Variants in CNTN5 observed in about 807,000 individuals in gnomAD.
The protein encoded by CNTN5 is contactin-5.
In CNTN5, 77 loss-of-function variants were observed where a neutral mutation model predicts 129.1. That is an observed-to-expected ratio of 0.60 (90% CI 0.50 to 0.72). The LOEUF is 0.72. CNTN5 is among the 30% of genes least tolerant of loss of function. CNTN5 has a pLI of 0.00. For synonymous variants in CNTN5, 509 were observed against 465.6 expected, an observed-to-expected ratio of 1.09 and a Z score of -1.20; for missense variants, 1,478 against 1,328.8, an observed-to-expected ratio of 1.11 and a Z score of -1.75.
chr11:99,720,151 G>A (rs996846499), intron 3 of CNTN5, among the ~76,000 whole-genome samples: 29 of 152,028 alleles, frequency 1.9e-4, no homozygotes, highest in African/African-American at 6.5e-4. Context: ...TTGAGGAGGA[G>A]GGACTCCTCC....
chr11:100,105,711 T>G (rs1470230616), intron 13 of CNTN5, among the ~76,000 whole-genome samples: 1 of 152,130 alleles, frequency 6.6e-6, no homozygotes, highest in Non-Finnish European at 1.5e-5. Context: ...CTCCAAGGTC[T>G]CATCGTTTCA....
Position 99,405,932 on chromosome 11 carries a change from A to G in CNTN5, c.-71+80448A>G, listed in dbSNP as rs1181586021. 2.3e-4 allele frequency among the ~76,000 whole-genome samples: 30 copies of G among 130,216 alleles called. 15 individuals are homozygous for G. The highest frequency in any genetic ancestry group is 9.1e-4 in the African/African-American group (30 of 32,960). The allele number at this position is 130,216 out of a possible 152,430, so 85.4% of individuals were successfully genotyped here. ...AAAAAAAAAAAAAAAAAAAAAAAAA[A>G]GAATTCTGAATTCCTTTGGTGTGTT... On this transcript the variant is annotated intron_variant, in intron 2 of 24. Coordinates refer to ENST00000524871, the MANE Select transcript of CNTN5 (RefSeq NM_014361.4).
chr11:100,330,712 T>C (rs1951889053), intron 21 of CNTN5, among the ~76,000 whole-genome samples: 1 of 151,552 alleles, frequency 6.6e-6, no homozygotes, highest in Non-Finnish European at 1.5e-5. Context: ...AAGAATTTCA[T>C]ATCCAGTGAA....
intron 3 of CNTN5, among the ~76,000 whole-genome samples, chr11:99,741,198 C>G (rs909161564): frequency 5.3e-5 from 8 of 152,058 alleles, no homozygotes; most frequent in African/African-American, 1.9e-4. Context: ...TATTGGGATT[C>G]TAATTAGAAC....
intron 17 of CNTN5, among the ~76,000 whole-genome samples, chr11:100,258,376 C>T (rs1029332168): frequency 3.3e-5 from 5 of 152,128 alleles, no homozygotes; most frequent in Non-Finnish European, 7.4e-5. Context: ...GGGATATTAT[C>T]CAGGAGAACT....
chr11:99,771,531 G>C (rs1207962936), intron 3 of CNTN5, among the ~76,000 whole-genome samples: 1 of 151,926 alleles, frequency 6.6e-6, no homozygotes, highest in African/African-American at 2.4e-5. Flanking sequence ...ATTATGTTAG[G>C]CAAAATTAGC....
intron 3 of CNTN5, among the ~76,000 whole-genome samples, chr11:99,559,508 A>C (rs1411152564): frequency 2.6e-5 from 4 of 152,220 alleles, no homozygotes; most frequent in Non-Finnish European, 4.4e-5. Context: ...ATTGCTACAG[A>C]TATCAAAATG....
chr11:99,062,243 G>A (rs1408834778), intron 1 of CNTN5, among the ~76,000 whole-genome samples: 3 of 152,140 alleles, frequency 2.0e-5, no homozygotes, highest in Admixed American at 1.3e-4. Context: ...AACAAGCAAT[G>A]TTGGAGCACA....
intron 15 of CNTN5, among the ~76,000 whole-genome samples, chr11:100,195,670 T>C (rs1184407859): frequency 2.0e-5 from 3 of 151,952 alleles, no homozygotes; most frequent in Non-Finnish European, 4.4e-5. Context: ...AGCCAAAATA[T>C]ACTTTTAGTA....
intron 7 of CNTN5, among the ~76,000 whole-genome samples, chr11:99,949,533 A>G (rs1401633690): frequency 6.6e-6 from 1 of 152,124 alleles, no homozygotes; most frequent in Non-Finnish European, 1.5e-5. Context: ...AAAGTTTGGA[A>G]CCTAGGTTGA....
At chr11:99,056,745 C>T (rs1324345998) in intron 1 of CNTN5, among the ~76,000 whole-genome samples, 3 of 151,992 alleles carry the variant, frequency 2.0e-5, no homozygotes, top group African/African-American at 7.2e-5. Context: ...AAGACAGGGT[C>T]CTGCTGCAAT....
intron 18 of CNTN5, among the ~76,000 whole-genome samples, chr11:100,284,728 G>C (rs1054479582): frequency 1.3e-5 from 2 of 152,132 alleles, no homozygotes; most frequent in South Asian, 2.1e-4. Context: ...AGAAAGGTCT[G>C]ATCTTCTCTG....
chr11:99,479,270 T>TG (rs1173916518), intron 2 of CNTN5, among the ~76,000 whole-genome samples: 7 of 151,910 alleles, frequency 4.6e-5, no homozygotes, highest in Non-Finnish European at 7.4e-5. Flanking sequence ...TTCACACTTT[T>TG]TTTTTTACTA....
At chr11:99,611,217 A>G (rs948644929) in intron 3 of CNTN5, among the ~76,000 whole-genome samples, 4 of 152,202 alleles carry the variant, frequency 2.6e-5, no homozygotes, top group Non-Finnish European at 5.9e-5. Flanking sequence ...TTCTTATCAC[A>G]GGAGTTTCCT....
chr11:99,783,969 A>AT (rs1945414231), intron 3 of CNTN5, among the ~76,000 whole-genome samples: 1 of 151,582 alleles, frequency 6.6e-6, no homozygotes, highest in Non-Finnish European at 1.5e-5. Flanking sequence ...GTAAAGTATA[A>AT]TAAAAAAAAA....
In CNTN5 at chr11:100,002,253, T is replaced by A; in HGVS notation, c.980+117T>A. 10 of 610,080 alleles carry A rather than the reference T, an allele frequency of 1.6e-5. 1 individual carries two copies. In the South Asian group the frequency reaches 2.8e-4, roughly 17 times the overall value. 37.8% of individuals were successfully genotyped at this position (610,080 alleles called of 1,614,324 possible). A position where few individuals can be genotyped will look rare whatever the true frequency, so the allele number is the denominator to read the frequency against. Reference sequence around the variant, plus strand: ...TCCCCAGTTGTTCCATGGTGGCTATTTATTTTCTAAAAGAAGGTCAAATGG... The same window carrying A: ...TCCCCAGTTGTTCCATGGTGGCTATATATTTTCTAAAAGAAGGTCAAATGG... On this transcript the variant is annotated intron_variant, in intron 9 of 24. Transcript: ENST00000524871.
At chr11:99,275,057 C>T (rs949479470) in intron 1 of CNTN5, among the ~76,000 whole-genome samples, 8 of 151,204 alleles carry the variant, frequency 5.3e-5, no homozygotes, top group African/African-American at 1.9e-4. Context: ...GAATATATAT[C>T]TATAAATGTG....
At chr11:99,785,976 T>A (rs117548808) in intron 3 of CNTN5, among the ~76,000 whole-genome samples, 2,350 of 152,136 alleles carry the variant, frequency 0.015, 56 homozygotes, top group South Asian at 0.086. Context: ...ACCACTCCTA[T>A]TCAGCACTGT....
chr11:99,427,323 C>T (rs541118879), intron 2 of CNTN5, among the ~76,000 whole-genome samples: 1 of 152,070 alleles, frequency 6.6e-6, no homozygotes, highest in South Asian at 2.1e-4. Context: ...AGCATTAGGC[C>T]ACAACAACAG....
Sources: gnomAD v4.1 joint callset for allele counts (sites outside exome capture counted in the v4.1 genomes callset) on GRCh38, gnomAD v4.1.1 for gene constraint, MANE v1.5 for transcripts, NCBI Gene and HGNC (gene_info 2026-07-23, HGNC 2026-07-21) for gene names.